BEND4: variants seen among roughly 807,000 people sequenced by gnomAD.
BEND4 encodes the protein BEN domain containing 4, also known as BEN domain-containing protein 4.
Under a neutral mutation model 54.7 loss-of-function variants are expected in BEND4, and 27 were observed. The ratio of observed to expected loss-of-function variants is 0.49; its 90% CI spans 0.36 to 0.68. The LOEUF is 0.68. Among genes scored for constraint, BEND4 ranks in the 30% least tolerant of loss-of-function variants. The pLI is 0.00. For missense variants in BEND4, 702 were observed against 697.2 expected (o/e 1.01, Z -0.08); for synonymous variants, 327 against 299.5 (o/e 1.09, Z -0.95).
At chr4:42,145,236 G>C (rs995808070) in intron 2 of BEND4, among the ~76,000 whole-genome samples, 1 of 152,098 alleles carries the variant, frequency 6.6e-6, no homozygotes, top group Non-Finnish European at 1.5e-5. Flanking sequence ...AAATCCCCTA[G>C]AACACACCCA....
rs1719644222 is a variant in BEND4 at position 42,113,200 on chromosome 4, T to C, written c.*4318A>G. 1 of 152,230 alleles carries C rather than the reference T, an allele frequency of 6.6e-6. No homozygotes were observed. The allele number at this position is 152,230 out of a possible 1,614,324, so 9.4% of individuals were successfully genotyped here. On this transcript the variant is annotated 3_prime_UTR_variant, in exon 6 of 6. Coordinates refer to ENST00000502486, the MANE Select transcript of BEND4 (RefSeq NM_207406.4). ...TTACATTTCTAAAAATCTGTATATA[T>C]GAGCTGTCAAAAATTAACGCAGATC...
At chr4:42,150,378 T>A (rs1178332157) in intron 2 of BEND4, among the ~76,000 whole-genome samples, 1 of 152,154 alleles carries the variant, frequency 6.6e-6, no homozygotes, top group African/African-American at 2.4e-5. Context: ...TTCAAATCAG[T>A]GAGAGATGCA....
chr4:42,111,983 G>A lies in BEND4; in HGVS notation c.*5535C>T, dbSNP rs150984274. On this transcript the variant is annotated 3_prime_UTR_variant, in exon 6 of 6. Transcript: ENST00000502486. ...TAGGTCAAGCCTTATACAGAAACCT[G>A]GGCAGATCCCAGAGGATATATGGTT... 2.0e-4 allele frequency: 31 copies of A among 152,288 alleles called. No individual in the cohort carries two copies. Among genetic ancestry groups the A allele is most frequent in the African/African-American group, 7.5e-4 (31 of 41,552 alleles). 9.4% of individuals were successfully genotyped at this position (152,288 alleles called of 1,614,324 possible).
chr4:42,119,090 C>A (rs116311539), intron 5 of BEND4, among the ~76,000 whole-genome samples: 2 of 152,120 alleles, frequency 1.3e-5, no homozygotes, highest in Non-Finnish European at 2.9e-5. Flanking sequence ...CAGCTGCTAA[C>A]AAAAACTACA....
At position 42,117,451 on chromosome 4, in the gene BEND4, A is replaced by G. The variant is rs1719883507; in HGVS notation, c.*67T>C. 1 of 1,132,966 alleles carries G rather than the reference A, an allele frequency of 8.8e-7. No homozygotes were observed. The allele number at this position is 1,132,966 out of a possible 1,614,324, so 70.2% of individuals were successfully genotyped here. On this transcript the variant is annotated 3_prime_UTR_variant, in exon 6 of 6. Transcript: ENST00000502486. Reference sequence around the variant, plus strand: ...GACAGGCTTTGGACTCTCAGGTGACAGGAACAGGACATTCACAATTGGAAC... The same window carrying G: ...GACAGGCTTTGGACTCTCAGGTGACGGGAACAGGACATTCACAATTGGAAC...
intron 3 of BEND4, among the ~76,000 whole-genome samples, chr4:42,134,955 C>T (rs1438546954): frequency 1.3e-5 from 2 of 152,130 alleles, no homozygotes; most frequent in African/African-American, 4.8e-5. Context: ...GGAAAAGATC[C>T]AGGAATTGAA....
rs1289218653 is a variant in BEND4, at chr4:42,126,075, A to T, written c.1055-401T>A. On this transcript the variant is annotated intron_variant, in intron 3 of 5. Coordinates refer to ENST00000502486, the MANE Select transcript of BEND4 (RefSeq NM_207406.4). ...ATTTTTGATGCAAACTTCCAAAAAA[A>T]AAAATATTTTCTAAAGGAAATAGAA... Among the ~76,000 whole-genome samples the T allele has an allele frequency of 2.0e-5, 3 of 152,250 alleles. No individual in the cohort carries two copies. The East Asian group carries it at 5.8e-4, about 29-fold the overall frequency.
chr4:42,121,153 A>C (rs1489590034), intron 4 of BEND4, among the ~76,000 whole-genome samples: 1 of 150,482 alleles, frequency 6.6e-6, no homozygotes, highest in Non-Finnish European at 1.5e-5. Context: ...GGTGTACAAA[A>C]CAAAGGGAAA....
chr4:42,144,192 T>C (rs1430663064), intron 2 of BEND4, 198 bp from the exon 3 acceptor site: 9 of 622,352 alleles, frequency 1.4e-5, no homozygotes, highest in Non-Finnish European at 2.3e-5. Flanking sequence ...GGATGCTTGC[T>C]GAGTCACACG....
At chr4:42,144,101 C>T in intron 2 of BEND4, 107 bp from the exon 3 acceptor site, 1 of 819,038 alleles carries the variant, frequency 1.2e-6, no homozygotes, top group Non-Finnish European at 2.0e-6. Flanking sequence ...ATATGTATTT[C>T]TACTGTCTGT....
rs1719770287 is a variant in BEND4, at chr4:42,115,476, C to T, written c.*2042G>A. 6.6e-6 allele frequency: 1 copy of T among 152,190 alleles called. No homozygotes were observed. The highest frequency in any genetic ancestry group is 2.4e-5 in the African/African-American group (1 of 41,438). The allele number at this position is 152,190 out of a possible 1,614,324, so 9.4% of individuals were successfully genotyped here. On this transcript the variant is annotated 3_prime_UTR_variant, in exon 6 of 6. Coordinates refer to ENST00000502486, the MANE Select transcript of BEND4 (RefSeq NM_207406.4). ...CAGGACTCTCAAACTTCCAGAAAAA[C>T]AAGAAGGGCTAGTCTGTTTTTCTTA...
intron 3 of BEND4, among the ~76,000 whole-genome samples, chr4:42,140,110 CT>C (rs1433316110): frequency 2.0e-5 from 3 of 152,200 alleles, no homozygotes; most frequent in Non-Finnish European, 4.4e-5. Context: ...GCAGTGACTT[CT>C]CCCTTTGATC....
chr4:42,150,097 G>A (rs1460499619), intron 2 of BEND4, among the ~76,000 whole-genome samples: 1 of 152,064 alleles, frequency 6.6e-6, no homozygotes, highest in Non-Finnish European at 1.5e-5. Context: ...AAAAATACAG[G>A]ATGATAAAGC....
At chr4:42,123,482 T>C (rs1720140266) in intron 4 of BEND4, among the ~76,000 whole-genome samples, 1 of 151,698 alleles carries the variant, frequency 6.6e-6, no homozygotes, top group African/African-American at 2.4e-5. Flanking sequence ...AGGTGTACAT[T>C]TACTATTAAG....
Position 42,151,701 on chromosome 4 carries a change from G to A in BEND4, c.443C>T (p.Thr148Ile), listed in dbSNP as rs769008166. The A allele has an allele frequency of 6.0e-6, 9 of 1,504,662 alleles. No individual in the cohort carries two copies. In the South Asian group the frequency reaches 1.1e-4, roughly 19 times the overall value. The allele number at this position is 1,504,662 out of a possible 1,614,324, so 93.2% of individuals were successfully genotyped here. A position where few individuals can be genotyped will look rare whatever the true frequency, so the allele number is the denominator to read the frequency against. Residue 148 changes from threonine (T) to isoleucine (I), a missense_variant, in exon 2 of 6, where the codon ACC becomes ATC. Transcript: ENST00000502486. ...GGCGCTGTCGCTACCCGTGCCGCCGGTGCCGGCGGCCGCCGCCGCGCCTGG... is the reference window on the plus strand; with the variant it reads ...GGCGCTGTCGCTACCCGTGCCGCCGATGCCGGCGGCCGCCGCCGCGCCTGG... ...YGPGAAAAAG[T>I]GGTGSDSASL...
At chr4:42,141,449 T>C (rs562800397) in intron 3 of BEND4, among the ~76,000 whole-genome samples, 71 of 152,338 alleles carry the variant, frequency 4.7e-4, no homozygotes, top group African/African-American at 1.6e-3. Context: ...TAGCTTATAT[T>C]GGCCGGGTGC....
At chr4:42,132,628 T>C (rs372322649) in intron 3 of BEND4, among the ~76,000 whole-genome samples, 218 of 152,028 alleles carry the variant, frequency 1.4e-3, no homozygotes, top group African/African-American at 4.9e-3. Flanking sequence ...CTATTTTCAG[T>C]AGAGAGGGAG....
rs556102350 is a variant in BEND4 at position 42,120,160 on chromosome 4, C to T, written c.1281G>A (p.Glu427=). ...TCCCAAGGCCGCATGAGTACTTAAG[C>T]TCATCGGTTGTGAAAACAAATCTGA... ...YLIRFVFTTD[E]LKYSCGLGKR... The change falls in exon 5 of 6, where the codon GAG becomes GAA. Residue 427 remains glutamate (E), a synonymous_variant. Transcript: ENST00000502486. 2 of 1,614,002 alleles carry T rather than the reference C, an allele frequency of 1.2e-6. No individual in the cohort carries two copies. The highest frequency in any genetic ancestry group is 2.2e-5 in the East Asian group (1 of 44,884).
intron 2 of BEND4, among the ~76,000 whole-genome samples, chr4:42,146,952 C>G (rs533207356): frequency 1.3e-5 from 2 of 152,056 alleles, no homozygotes; most frequent in Non-Finnish European, 2.9e-5. Context: ...TAGGGACAAG[C>G]GTGATTTGTT....
Sources: gnomAD v4.1 joint callset for allele counts (sites outside exome capture counted in the v4.1 genomes callset) on GRCh38, gnomAD v4.1.1 for gene constraint, MANE v1.5 for transcripts, NCBI Gene and HGNC (gene_info 2026-07-23, HGNC 2026-07-21) for gene names.